KAZN: variants seen among roughly 807,000 people sequenced by gnomAD.
The protein encoded by KAZN is kazrin, periplakin interacting protein.
Under a neutral mutation model 87.4 loss-of-function variants are expected in KAZN, and 40 were observed. The observed-to-expected ratio is 0.46, with a 90% CI of 0.36 to 0.60. The LOEUF (loss-of-function observed/expected upper bound fraction) is 0.60. Among genes scored for constraint, KAZN ranks in the 20% least tolerant of loss-of-function variants. The pLI, the probability that KAZN is intolerant of heterozygous loss-of-function variation, is 0.00. For missense variants in KAZN, 898 were observed against 1,073.9 expected, an observed-to-expected ratio of 0.84 and a Z score of 2.29; for synonymous variants, 466 against 458.3, an observed-to-expected ratio of 1.02 and a Z score of -0.22.
chr1:13,893,792 T>C (rs149925919), intron 1 of KAZN: 5 of 1,548,650 alleles, frequency 3.2e-6, no homozygotes, highest in Non-Finnish European at 4.4e-6. Context: ...GCCCAGAGAA[T>C]GGGAAGTGGA....
chr1:14,692,378 C>A, intron 1 of KAZN: 1 of 313,668 alleles, frequency 3.2e-6, no homozygotes, highest in South Asian at 1.2e-4. Flanking sequence ...CTTTTCCATA[C>A]GTCAGTTTTT....
chr1:14,478,625 C>T (rs1668904022), intron 2 of KAZN, among the ~76,000 whole-genome samples: 1 of 152,210 alleles, frequency 6.6e-6, no homozygotes, highest in South Asian at 2.1e-4. Flanking sequence ...TGTCCTCGCC[C>T]ATCCTCAATG....
At position 14,318,352 on chromosome 1, in the gene KAZN, T is replaced by C. The variant is rs72644468; in HGVS notation, c.249+137760T>C. Among the ~76,000 whole-genome samples the C allele has an allele frequency of 5.3e-3, 800 of 152,224 alleles. 4 individuals are homozygous for C. The highest frequency in any genetic ancestry group is 0.014 in the Middle Eastern group (4 of 294). On this transcript the variant is annotated intron_variant, in intron 2 of 16. Transcript: ENST00000636203. Reference sequence around the variant, plus strand: ...GAATGCTATGTTAACTGTTTTTCTTTCTGCTCTTTAAAAATATTACTTCAT... The same window carrying C: ...GAATGCTATGTTAACTGTTTTTCTTCCTGCTCTTTAAAAATATTACTTCAT...
intron 2 of KAZN, among the ~76,000 whole-genome samples, chr1:14,435,218 G>A (rs1192333814): frequency 6.6e-6 from 1 of 152,170 alleles, no homozygotes; most frequent in Non-Finnish European, 1.5e-5. Flanking sequence ...CAGGTTGGCT[G>A]AACTCCATTC....
intron 2 of KAZN, among the ~76,000 whole-genome samples, chr1:14,479,099 G>C (rs1276296486): frequency 6.6e-6 from 1 of 152,200 alleles, no homozygotes; most frequent in Non-Finnish European, 1.5e-5. Flanking sequence ...ATCCTCATTA[G>C]TTCAGAGTCG....
At chr1:14,364,056 G>A (rs1395352512) in intron 2 of KAZN, among the ~76,000 whole-genome samples, 3 of 150,804 alleles carry the variant, frequency 2.0e-5, no homozygotes, top group East Asian at 1.9e-4. Flanking sequence ...CCTCAGTACC[G>A]TTTTCATGTG....
intron 2 of KAZN, among the ~76,000 whole-genome samples, chr1:14,546,593 G>C (rs575606552): frequency 6.6e-6 from 1 of 152,156 alleles, no homozygotes; most frequent in Admixed American, 6.5e-5. Context: ...CTTTCCTGCA[G>C]AGAAAACGAA....
rs1658813993 is a variant in KAZN, at chr1:14,923,768, C to T, written c.227-36916C>T. 6.6e-6 allele frequency among the ~76,000 whole-genome samples: 1 copy of T among 152,240 alleles called. No homozygotes were observed. The highest frequency in any genetic ancestry group is 6.5e-5 in the Admixed American group (1 of 15,284). On this transcript the variant is annotated intron_variant, in intron 1 of 14. Coordinates refer to ENST00000376030, the MANE Select transcript of KAZN (RefSeq NM_201628.3). This position sits in a 1 kb window ranked among gnomAD's most constrained non-coding sequence, Gnocchi z 4.2. ...CCCGCCCACTCCTTCTGACCTCTCC[C>T]GGTCAGCTGTGGGGACCTCGGCTCT...
rs547948272 is a variant in KAZN at position 14,820,814 on chromosome 1, G to T, written c.227-139870G>T. Among the ~76,000 whole-genome samples the T allele has an allele frequency of 2.0e-5, 3 of 152,296 alleles. No homozygotes were observed. The highest frequency in any genetic ancestry group is 7.2e-5 in the African/African-American group (3 of 41,566). ...CAGTGGGGCACAGTGGGGAGTGAAG[G>T]GGGCCATGGCAGTCTGATGCAGGGA... On this transcript the variant is annotated intron_variant, in intron 1 of 14. Transcript: ENST00000376030. This position sits in a 1 kb window ranked among gnomAD's most constrained non-coding sequence, Gnocchi z 4.1.
At chr1:13,897,553 G>A (rs1639091037) in intron 1 of KAZN, among the ~76,000 whole-genome samples, 2 of 152,160 alleles carry the variant, frequency 1.3e-5, no homozygotes, top group African/African-American at 4.8e-5. Context: ...CAAGAACAGA[G>A]TTCTCAGCAT....
At chr1:14,940,477 GGCCA>G (rs1194736035) in intron 1 of KAZN, among the ~76,000 whole-genome samples, 1 of 152,158 alleles carries the variant, frequency 6.6e-6, no homozygotes, top group Non-Finnish European at 1.5e-5. Context: ...ATGGCACGGG[GGCCA>G]GCTTCGTTTC....
chr1:13,910,091 A>G (rs763389809), intron 1 of KAZN, among the ~76,000 whole-genome samples: 3 of 152,168 alleles, frequency 2.0e-5, no homozygotes, highest in African/African-American at 4.8e-5. Context: ...GTAACCCGCA[A>G]TGTTGGAAGT....
chr1:14,397,339 G>A (rs1031581555), intron 2 of KAZN, among the ~76,000 whole-genome samples: 4 of 152,190 alleles, frequency 2.6e-5, no homozygotes, highest in Non-Finnish European at 4.4e-5. Context: ...TTCCTGGCTT[G>A]TAGATGGCCT....
chr1:14,990,023 C>T (rs529531585), intron 2 of KAZN, among the ~76,000 whole-genome samples: 18 of 152,092 alleles, frequency 1.2e-4, no homozygotes, highest in African/African-American at 4.1e-4. Context: ...TATCACATTG[C>T]CATACAGGTG....
intron 2 of KAZN, among the ~76,000 whole-genome samples, chr1:14,393,192 C>T (rs1044725730): frequency 3.9e-5 from 6 of 152,200 alleles, no homozygotes; most frequent in African/African-American, 1.4e-4. Flanking sequence ...CAGGACTTGT[C>T]AGGGCTCCAA....
At chr1:14,395,021 C>T (rs558425032) in intron 2 of KAZN, among the ~76,000 whole-genome samples, 11 of 152,190 alleles carry the variant, frequency 7.2e-5, no homozygotes, top group Non-Finnish European at 1.6e-4. Flanking sequence ...ACCTCTGCTT[C>T]CTCAGTGCCT....
intron 1 of KAZN, among the ~76,000 whole-genome samples, chr1:14,777,160 T>TGTGTG (rs199747295): frequency 6.9e-5 from 6 of 87,042 alleles, no homozygotes; most frequent in South Asian, 4.4e-4. Flanking sequence ...GCTAATTTTT[T>TGTGTG]TTTTTTTTTG....
chr1:14,179,960 TC>T (rs1486405784), intron 1 of KAZN, among the ~76,000 whole-genome samples: 1 of 152,178 alleles, frequency 6.6e-6, no homozygotes, highest in Non-Finnish European at 1.5e-5. Flanking sequence ...ATGGCCACTG[TC>T]CCTTCATAAA....
intron 1 of KAZN, among the ~76,000 whole-genome samples, chr1:14,788,276 G>A (rs1014503288): frequency 6.6e-6 from 1 of 152,152 alleles, no homozygotes; most frequent in African/African-American, 2.4e-5. Flanking sequence ...AAGCTCATTC[G>A]CTCATCAAAT....
Sources: allele counts gnomAD v4.1 joint callset (sites outside exome capture counted in the v4.1 genomes callset), GRCh38; gene constraint gnomAD v4.1.1; non-coding constraint Gnocchi (gnomAD v3.1); transcripts MANE v1.5; gene names NCBI Gene and HGNC (gene_info 2026-07-23, HGNC 2026-07-21).